Variants in ITGB5 observed in about 807,000 individuals in gnomAD.
ITGB5 encodes integrin beta-5.
A neutral mutation model predicts 84.8 loss-of-function variants in ITGB5; 38 were observed. The ratio of observed to expected loss-of-function variants is 0.45; its 90% confidence interval spans 0.35 to 0.59. The LOEUF (loss-of-function observed/expected upper bound fraction) is 0.59. Ranked by LOEUF, ITGB5 falls within the 20% of genes least tolerant of loss-of-function variation. ITGB5 has a pLI of 0.01. For missense variants in ITGB5, 905 were observed against 1,034.5 expected (o/e 0.87, Z 1.72); for synonymous variants, 393 against 414.4 (o/e 0.95, Z 0.63).
chr3:124,851,206 A>G (rs2065148210), intron 3 of ITGB5, among the ~76,000 whole-genome samples: 1 of 152,134 alleles, frequency 6.6e-6, no homozygotes, highest in African/African-American at 2.4e-5. Context: ...TTGAATCCAG[A>G]CCCTGTCACC....
At chr3:124,796,885 A>G (rs1482171175) in intron 9 of ITGB5, 68 bp from the exon 10 acceptor site, 1 of 1,480,044 alleles carries the variant, frequency 6.8e-7, no homozygotes, top group Non-Finnish European at 9.1e-7. Flanking sequence ...ACCCAGGGGC[A>G]GGGCCCTTGA....
At chr3:124,870,502 GTGGA>G in intron 2 of ITGB5, among the ~76,000 whole-genome samples, 1 of 152,292 alleles carries the variant, frequency 6.6e-6, no homozygotes, top group South Asian at 2.1e-4. Flanking sequence ...GCCAAGGTGG[GTGGA>G]TCACGAGGTC....
intron 2 of ITGB5, among the ~76,000 whole-genome samples, chr3:124,873,130 C>T (rs993868978): frequency 1.3e-5 from 2 of 152,198 alleles, no homozygotes; most frequent in Non-Finnish European, 2.9e-5. Context: ...TTCACAAGCT[C>T]AGGTCTTTTG....
chr3:124,829,533 G>A (rs1439079561), intron 5 of ITGB5, among the ~76,000 whole-genome samples: 4 of 152,174 alleles, frequency 2.6e-5, no homozygotes, highest in Non-Finnish European at 4.4e-5. Context: ...CACAGAGATA[G>A]GTAAAAGGAC....
intron 10 of ITGB5, among the ~76,000 whole-genome samples, chr3:124,774,777 T>C (rs1019351430): frequency 2.7e-5 from 4 of 146,972 alleles, no homozygotes; most frequent in Non-Finnish European, 4.5e-5. Flanking sequence ...TAGGAGCAGA[T>C]GCTGAGAACA....
chr3:124,876,498 G>A (rs1934322335), intron 1 of ITGB5, among the ~76,000 whole-genome samples: 1 of 152,172 alleles, frequency 6.6e-6, no homozygotes, highest in Admixed American at 6.5e-5. Context: ...CAGAGGGGTG[G>A]GTGCAGGAGG....
chr3:124,814,770 T>G (rs1341375747), intron 8 of ITGB5, among the ~76,000 whole-genome samples: 1 of 152,202 alleles, frequency 6.6e-6, no homozygotes, highest in Non-Finnish European at 1.5e-5. Flanking sequence ...TTAAAAGTGC[T>G]GAGTTTCAAA....
chr3:124,874,660 T>C (rs1404396987), intron 1 of ITGB5, among the ~76,000 whole-genome samples: 1 of 152,192 alleles, frequency 6.6e-6, no homozygotes, highest in Non-Finnish European at 1.5e-5. Context: ...AACAGACATG[T>C]AGACCAATGG....
intron 5 of ITGB5, among the ~76,000 whole-genome samples, chr3:124,834,571 A>AGGGAGGGAGGG (rs1324452901): frequency 2.8e-5 from 1 of 35,460 alleles, no homozygotes; most frequent in African/African-American, 1.4e-4. Context: ...GGGAGGGAGG[A>AGGGAGGGAGGG]AGGAAGGAAG....
intron 11 of ITGB5, chr3:124,769,370 C>T (rs1438440945): frequency 2.4e-6 from 1 of 423,212 alleles, no homozygotes; most frequent in Non-Finnish European, 4.2e-6. Flanking sequence ...AATTCTGACA[C>T]CAGGAGACAA....
chr3:124,784,397 T>C (rs1261231114), intron 10 of ITGB5, among the ~76,000 whole-genome samples: 2 of 152,130 alleles, frequency 1.3e-5, no homozygotes, highest in African/African-American at 2.4e-5. Context: ...CCCAGCTACT[T>C]GGAAGGCTGA....
At chr3:124,884,699 A>C (rs1226274976) in intron 1 of ITGB5, among the ~76,000 whole-genome samples, 2 of 150,774 alleles carry the variant, frequency 1.3e-5, no homozygotes, top group African/African-American at 5.0e-5. Flanking sequence ...TCAAAAAAAA[A>C]GAAAAGAAAA....
chr3:124,798,080 G>A (rs1232059713), intron 9 of ITGB5, among the ~76,000 whole-genome samples: 1 of 58,634 alleles, frequency 1.7e-5, no homozygotes, highest in Admixed American at 2.3e-4. Flanking sequence ...TTGAGGTGGA[G>A]TCTCGCTCTG....
intron 9 of ITGB5, among the ~76,000 whole-genome samples, chr3:124,804,673 T>G (rs183309566): frequency 1.4e-4 from 22 of 152,222 alleles, no homozygotes; most frequent in Non-Finnish European, 5.9e-5. Context: ...TCTTTTTTGT[T>G]TGTTTGTTTT....
Position 124,817,700 on chromosome 3 carries a change from G to T in ITGB5, c.1049C>A (p.Ala350Asp). ...CTCCACCGTTGTTCCAGGTATCAGG[G>T]CTGTAAAATTCTTGGGAAAAAAAGT... The part of the protein sequence containing the change: ...NHYMLYKNFT[A>D]LIPGTTVEIL... Residue 350 changes from alanine to aspartate, a missense_variant, in exon 8 of 15, where the codon GCC (alanine) becomes GAC (aspartate). Coordinates refer to ENST00000296181, the MANE Select transcript of ITGB5 (RefSeq NM_002213.5). 1 of 1,581,688 alleles carries T rather than the reference G, an allele frequency of 6.3e-7. No homozygotes were observed. The highest frequency in any genetic ancestry group is 2.3e-5 in the East Asian group (1 of 44,396).
chr3:124,773,277 A>G (rs896425970), intron 11 of ITGB5, among the ~76,000 whole-genome samples: 2 of 152,138 alleles, frequency 1.3e-5, no homozygotes, highest in African/African-American at 4.8e-5. Context: ...ACTGTTTGGG[A>G]GATATCAGTG....
At position 124,821,467 on chromosome 3, in the gene ITGB5, A is replaced by G; in HGVS notation, c.788T>C (p.Ile263Thr). 1.9e-6 allele frequency: 3 copies of G among 1,614,134 alleles called. No individual in the cohort carries two copies. Among genetic ancestry groups the G allele is most frequent in the East Asian group, 2.2e-5 (1 of 44,882 alleles). ...ATGCAGTGCATCCTTTCGCCAGCCA[A>G]TCTTCTCCTGAAGGACAGAAGGTGG... ...VLQAAVCKEKIGWRKDALHLL... is the reference protein window; with the variant it reads ...VLQAAVCKEKTGWRKDALHLL... The change falls in exon 6 of 15, where the codon ATT becomes ACT. Residue 263 changes from isoleucine (I) to threonine (T), a missense_variant. By Grantham distance (89) the Ile-to-Thr change is moderately conservative. Around this residue, in one of 3 missense-constraint regions of ITGB5, gnomAD observed 656 missense variants for 734.7 expected, o/e 0.89. Coordinates refer to ENST00000296181, the MANE Select transcript of ITGB5 (RefSeq NM_002213.5).
chr3:124,798,191 T>C (rs1293843790), intron 9 of ITGB5, among the ~76,000 whole-genome samples: 2 of 151,362 alleles, frequency 1.3e-5, no homozygotes, highest in African/African-American at 4.9e-5. Flanking sequence ...TAGCTGGGAT[T>C]ACAGGTGCGC....
intron 10 of ITGB5, among the ~76,000 whole-genome samples, chr3:124,787,156 G>A (rs1375696002): frequency 6.6e-6 from 1 of 152,156 alleles, no homozygotes; most frequent in East Asian, 1.9e-4. Flanking sequence ...GGCACACACA[G>A]AATCCTCGCC....
Sources: gnomAD v4.1 joint callset for allele counts (sites outside exome capture counted in the v4.1 genomes callset) on GRCh38, gnomAD v4.1.1 for gene constraint, gnomAD v4.1.1 regional missense constraint, MANE v1.5 for transcripts, NCBI Gene and HGNC (gene_info 2026-07-23, HGNC 2026-07-21) for gene names.